SMYD3: variants seen among roughly 807,000 people sequenced by gnomAD.
The protein encoded by SMYD3 is SET and MYND domain containing 3, also known as histone-lysine N-methyltransferase SMYD3.
Under a neutral mutation model 57.7 loss-of-function variants are expected in SMYD3, and 36 were observed. The ratio of observed to expected loss-of-function variants is 0.62; its 90% CI spans 0.48 to 0.82. The LOEUF is 0.82. Ranked by LOEUF, SMYD3 falls within the 40% of genes least tolerant of loss-of-function variation. The pLI is 0.00. For synonymous variants in SMYD3, 211 were observed against 195.0 expected, an observed-to-expected ratio of 1.08 and a Z score of -0.68; for missense variants, 515 against 538.8, an observed-to-expected ratio of 0.96 and a Z score of 0.44.
intron 5 of SMYD3, among the ~76,000 whole-genome samples, chr1:246,194,829 A>G (rs540115634): frequency 1.3e-5 from 2 of 152,340 alleles, no homozygotes; most frequent in African/African-American, 4.8e-5. Flanking sequence ...ACGGCACAAC[A>G]ATGATCTAAG....
chr1:246,297,692 C>T (rs1271634108), intron 5 of SMYD3, among the ~76,000 whole-genome samples: 1 of 152,098 alleles, frequency 6.6e-6, no homozygotes, highest in Non-Finnish European at 1.5e-5. Context: ...GTCAAATATT[C>T]AATTATTCTG....
chr1:245,804,111 A>C (rs112682770), intron 10 of SMYD3, among the ~76,000 whole-genome samples: 6,945 of 151,802 alleles, frequency 0.046, 556 homozygotes, highest in African/African-American at 0.16. Flanking sequence ...CAGGGTTTCA[A>C]CATATTGGCC....
At chr1:246,132,418 C>A (rs961084684) in intron 5 of SMYD3, among the ~76,000 whole-genome samples, 1 of 152,054 alleles carries the variant, frequency 6.6e-6, no homozygotes, top group African/African-American at 2.4e-5. Context: ...GTCTTTTTGA[C>A]AAATGCTCTT....
chr1:246,293,833 T>C (rs1242682086), intron 5 of SMYD3, among the ~76,000 whole-genome samples: 1 of 152,140 alleles, frequency 6.6e-6, no homozygotes, highest in Non-Finnish European at 1.5e-5. Flanking sequence ...CACAGTCAGG[T>C]TTCTCAAAAT....
At chr1:246,083,863 G>C (rs2060683455) in intron 5 of SMYD3, among the ~76,000 whole-genome samples, 1 of 152,056 alleles carries the variant, frequency 6.6e-6, no homozygotes. Flanking sequence ...ATTTGCTCAA[G>C]AATCATATAA....
intron 5 of SMYD3, among the ~76,000 whole-genome samples, chr1:246,069,514 G>C (rs759238363): frequency 2.0e-5 from 3 of 152,174 alleles, no homozygotes; most frequent in Non-Finnish European, 4.4e-5. Context: ...GCTGTTGCCA[G>C]AGATTAAACA....
chr1:246,067,917 G>A (rs1174023070), intron 5 of SMYD3, among the ~76,000 whole-genome samples: 1 of 152,116 alleles, frequency 6.6e-6, no homozygotes, highest in Non-Finnish European at 1.5e-5. Flanking sequence ...CTCCGGCACC[G>A]ACTGAGTAGC....
At position 246,259,275 on chromosome 1, in the gene SMYD3, A is replaced by C. The variant is rs150161889; in HGVS notation, c.531+67926T>G. On this transcript the variant is annotated intron_variant, in intron 5 of 11. Coordinates refer to ENST00000490107, the MANE Select transcript of SMYD3 (RefSeq NM_001167740.2). ...TGCAATCCTTTGGTGGTGTTACTAC[A>C]TTCAGATTTTTAATGGTGCCAGTAA... 4.6e-3 allele frequency among the ~76,000 whole-genome samples: 708 copies of C among 152,288 alleles called. 4 individuals are homozygous for C. Among genetic ancestry groups the C allele is most frequent in the African/African-American group, 0.016 (647 of 41,550 alleles).
chr1:246,111,068 A>G (rs2061229563), intron 5 of SMYD3, among the ~76,000 whole-genome samples: 1 of 152,118 alleles, frequency 6.6e-6, no homozygotes, highest in African/African-American at 2.4e-5. Flanking sequence ...CTTACCAAGG[A>G]CCCTGACCCA....
intron 5 of SMYD3, among the ~76,000 whole-genome samples, chr1:246,085,419 C>T (rs2060706002): frequency 6.6e-6 from 1 of 152,074 alleles, no homozygotes; most frequent in Admixed American, 6.6e-5. Context: ...CTTCCCCCTC[C>T]CCTTCTCCCC....
intron 5 of SMYD3, among the ~76,000 whole-genome samples, chr1:246,217,445 G>A (rs1490621532): frequency 6.6e-6 from 1 of 152,024 alleles, no homozygotes; most frequent in Non-Finnish European, 1.5e-5. Context: ...GGAGGCAGAG[G>A]TTGCACTGAG....
chr1:246,464,355 A>G (rs1286944936), intron 1 of SMYD3, among the ~76,000 whole-genome samples: 1 of 152,072 alleles, frequency 6.6e-6, no homozygotes, highest in African/African-American at 2.4e-5. Context: ...ATCTCTACTA[A>G]AAATTTAAAA....
chr1:246,475,601 A>T (rs1254043253), intron 1 of SMYD3, among the ~76,000 whole-genome samples: 3 of 151,808 alleles, frequency 2.0e-5, no homozygotes, highest in African/African-American at 7.3e-5. Context: ...AGTCGAGATC[A>T]CACCACTGCA....
chr1:246,045,023 G>T (rs192026921), intron 5 of SMYD3, among the ~76,000 whole-genome samples: 1 of 152,318 alleles, frequency 6.6e-6, no homozygotes, highest in African/African-American at 2.4e-5. Flanking sequence ...TCATGGATAG[G>T]AAGACTCAAT....
At chr1:245,799,104 C>T (rs906895009) in intron 10 of SMYD3, among the ~76,000 whole-genome samples, 20 of 152,224 alleles carry the variant, frequency 1.3e-4, no homozygotes, top group African/African-American at 4.8e-4. Flanking sequence ...ATGATAAATG[C>T]TCCCAGAGAG....
chr1:245,932,210 GT>G (rs138286543), intron 5 of SMYD3, among the ~76,000 whole-genome samples: 1 of 152,080 alleles, frequency 6.6e-6, no homozygotes, highest in South Asian at 2.1e-4. Flanking sequence ...AACCAGCATG[GT>G]TTTTTCCTGG....
chr1:245,846,051 T>A (rs1037306955), intron 10 of SMYD3, among the ~76,000 whole-genome samples: 5 of 152,082 alleles, frequency 3.3e-5, no homozygotes, highest in Non-Finnish European at 1.5e-5. Flanking sequence ...CTGGAGGGAA[T>A]AGAACTTTTT....
At chr1:246,423,249 A>T (rs1185825985) in intron 1 of SMYD3, among the ~76,000 whole-genome samples, 5 of 151,254 alleles carry the variant, frequency 3.3e-5, no homozygotes, top group South Asian at 4.2e-4. Context: ...GTGAGCCGAG[A>T]TCGCGCCACT....
intron 1 of SMYD3, among the ~76,000 whole-genome samples, chr1:246,361,724 T>A (rs970233888): frequency 2.2e-4 from 34 of 152,104 alleles, no homozygotes; most frequent in African/African-American, 8.2e-4. Context: ...ATGTTCTCAC[T>A]CATATGTGGG....
Sources: gnomAD v4.1 joint callset for allele counts (sites outside exome capture counted in the v4.1 genomes callset) on GRCh38, gnomAD v4.1.1 for gene constraint, MANE v1.5 for transcripts, NCBI Gene and HGNC (gene_info 2026-07-23, HGNC 2026-07-21) for gene names.